MICAL3: variants seen among roughly 807,000 people sequenced by gnomAD.
The protein encoded by MICAL3 is microtubule associated monooxygenase, calponin and LIM domain containing 3, also known as [F-actin]-monooxygenase MICAL3.
MICAL3 carries 62 observed loss-of-function variants against 207.4 expected under a neutral mutation model. The ratio of observed to expected loss-of-function variants is 0.30; its 90% CI spans 0.24 to 0.37. The LOEUF (loss-of-function observed/expected upper bound fraction) is 0.37. MICAL3 is among the 10% of genes least tolerant of loss of function. The pLI is 1.00. For missense variants in MICAL3, 2,368 were observed against 2,635.6 expected (o/e 0.90, Z 2.22); for synonymous variants, 1,077 against 1,069.3 (o/e 1.01, Z -0.14).
chr22:17,840,064 CTTTAT>C (rs1923854623), intron 20 of MICAL3: 1 of 150,890 alleles, frequency 6.6e-6, no homozygotes, highest in Admixed American at 6.6e-5. Flanking sequence ...CGTGCCTGGC[CTTTAT>C]TTTATTTTTT....
intron 1 of MICAL3, among the ~76,000 whole-genome samples, chr22:17,969,576 TGG>T (rs1935309995): frequency 1.3e-5 from 2 of 152,216 alleles, no homozygotes; most frequent in Admixed American, 6.5e-5. Context: ...ATTCCTTTTT[TGG>T]TTTATCTTAG....
rs551263618 is a variant in MICAL3, at chr22:17,985,458, C to T, written c.-75+38823G>A. Among the ~76,000 whole-genome samples, 182 of 152,136 alleles carry T rather than the reference C, an allele frequency of 1.2e-3. 2 individuals carry two copies. The South Asian group carries it at 0.037, about 31-fold the overall frequency. ...TTGCCTTGCAGATTCCACAAAACTACAAGGTCCGGGAGGATGAGCAGGTCC... is the reference window on the plus strand; with the variant it reads ...TTGCCTTGCAGATTCCACAAAACTATAAGGTCCGGGAGGATGAGCAGGTCC... On this transcript the variant is annotated intron_variant, in intron 1 of 31. Coordinates refer to ENST00000441493, the MANE Select transcript of MICAL3 (RefSeq NM_015241.3).
At position 17,822,229 on chromosome 22, in the gene MICAL3, C is replaced by T. The variant is rs575176872; in HGVS notation, c.3308-59G>A. 6 of 1,562,674 alleles carry T rather than the reference C, an allele frequency of 3.8e-6. No individual in the cohort carries two copies. The South Asian group carries it at 5.9e-5, about 15-fold the overall frequency. On this transcript the variant is annotated intron_variant, in intron 23 of 31. Coordinates refer to ENST00000441493, the MANE Select transcript of MICAL3 (RefSeq NM_015241.3). ...CCCTAAGTGAGGCCAACTCCTTTTCCACCTGAGAGCAGCCGCGCCACTTGC... is the reference window on the plus strand; with the variant it reads ...CCCTAAGTGAGGCCAACTCCTTTTCTACCTGAGAGCAGCCGCGCCACTTGC...
chr22:17,897,052 C>T, intron 7 of MICAL3, 71 bp from the exon 8 acceptor site: 5 of 1,485,876 alleles, frequency 3.4e-6, no homozygotes, highest in Non-Finnish European at 4.5e-6. Context: ...GTTACACAAC[C>T]CAGGGCCACA....
At position 17,819,048 on chromosome 22, in the gene MICAL3, T is replaced by C. The variant is rs774427865; in HGVS notation, c.3613A>G (p.Lys1205Glu). The C allele has an allele frequency of 6.3e-7, 1 of 1,587,142 alleles. No individual in the cohort carries two copies. Among genetic ancestry groups the C allele is most frequent in the Admixed American group, 1.8e-5 (1 of 56,290 alleles). The change falls in exon 26 of 32, where the codon AAA (lysine) becomes GAA (glutamate). Residue 1205 changes from lysine to glutamate, a missense_variant. Physicochemically the swap from Lys to Glu is moderately conservative, Grantham distance 56. Coordinates refer to ENST00000441493, the MANE Select transcript of MICAL3 (RefSeq NM_015241.3). ...GGGGCATCAGCTTTGGGCTTCTCTT[T>C]GGGGAGCAAAGGCTCAGGGAAAAGG... Reference protein sequence around the residue: ...ERLFPEPLLPKEKPKADAPSD... With the variant: ...ERLFPEPLLPEEKPKADAPSD...
chr22:17,967,029 C>A (rs1278916842), intron 1 of MICAL3, among the ~76,000 whole-genome samples: 2 of 152,208 alleles, frequency 1.3e-5, no homozygotes, highest in Non-Finnish European at 2.9e-5. Context: ...CATGTGTGCA[C>A]ACACTCCATG....
At chr22:17,843,674 T>C (rs969191680) in intron 19 of MICAL3, among the ~76,000 whole-genome samples, 1 of 152,166 alleles carries the variant, frequency 6.6e-6, no homozygotes, top group Non-Finnish European at 1.5e-5. Context: ...GCCTGCCACC[T>C]GGGGAGTGCC....
chr22:17,834,245 G>A, intron 20 of MICAL3: 1 of 1,088,632 alleles, frequency 9.2e-7, no homozygotes, highest in Non-Finnish European at 1.1e-6. Flanking sequence ...CATTCACTCG[G>A]TGAACATTTC....
At position 17,994,980 on chromosome 22, in the gene MICAL3, A is replaced by G. The variant is rs141134628; in HGVS notation, c.-75+29301T>C. Among the ~76,000 whole-genome samples the G allele has an allele frequency of 7.8e-3, 1,183 of 152,150 alleles. 16 individuals are homozygous for G. Among genetic ancestry groups the G allele is most frequent in the African/African-American group, 0.027 (1,121 of 41,500 alleles). On this transcript the variant is annotated intron_variant, in intron 1 of 31. Coordinates refer to ENST00000441493, the MANE Select transcript of MICAL3 (RefSeq NM_015241.3). ...CTAATGCAGGAAGACTCCTCACTAG[A>G]TTCCCTCACACATAACACACATGCA...
rs962022989 is a variant in MICAL3 at position 17,871,813 on chromosome 22, G to A, written c.2428+24C>T. 11 of 1,577,412 alleles carry A rather than the reference G, an allele frequency of 7.0e-6. No homozygotes were observed. The African/African-American group carries it at 9.4e-5, about 14-fold the overall frequency. On this transcript the variant is annotated intron_variant, in intron 17 of 31. Transcript: ENST00000441493. ...CTGTCCAAGCACAGTTTCTCAGTGG[G>A]GCCGGAGGCGCAGGGTGTCTCACCA...
chr22:17,953,800 G>A (rs894365188), intron 1 of MICAL3, among the ~76,000 whole-genome samples: 4 of 151,610 alleles, frequency 2.6e-5, no homozygotes, highest in Non-Finnish European at 4.4e-5. Context: ...ACGCAGTGGT[G>A]CGTACCTGTA....
At chr22:17,943,726 T>G (rs2146342230) in intron 1 of MICAL3, among the ~76,000 whole-genome samples, 1 of 152,364 alleles carries the variant, frequency 6.6e-6, no homozygotes, top group East Asian at 1.9e-4. Context: ...TCTGCTGTTT[T>G]GGGACCTGTC....
chr22:17,968,083 A>G (rs1224751353), intron 1 of MICAL3, among the ~76,000 whole-genome samples: 1 of 152,042 alleles, frequency 6.6e-6, no homozygotes, highest in African/African-American at 2.4e-5. Context: ...AATAAAAATA[A>G]TTATTAAATG....
Position 17,790,749 on chromosome 22 carries a change from T to A in MICAL3, c.5992A>T (p.Ser1998Cys). ...LEAAMLSKGF[S>C]LNWS is the part of the protein sequence containing the mutation. The stretch of plus-strand genomic sequence containing the variant: ...GTGGGAGCTCAGGACCAGTTAAGGC[T>A]GAAGCCCTTGGACAGCATGGCAGCC... Residue 1998 changes from serine to cysteine, a missense_variant, in exon 32 of 32, where the codon AGC becomes TGC. By Grantham distance (112) the Ser-to-Cys change is moderately radical. This residue lies in a region of MICAL3 where 1,770 missense variants were observed against 1,863.2 expected (regional missense o/e 0.95). Transcript: ENST00000441493. 2 of 1,605,220 alleles carry A rather than the reference T, an allele frequency of 1.2e-6. No individual in the cohort carries two copies. The highest frequency in any genetic ancestry group is 1.7e-6 in the Non-Finnish European group (2 of 1,175,760).
At chr22:17,855,931 G>T (rs1925836162) in intron 19 of MICAL3, among the ~76,000 whole-genome samples, 1 of 152,212 alleles carries the variant, frequency 6.6e-6, no homozygotes, top group South Asian at 2.1e-4. Context: ...TGTGTCCTCT[G>T]CACAGCCTCT....
chr22:17,844,733 T>G (rs73384570), intron 19 of MICAL3, among the ~76,000 whole-genome samples: 1 of 152,184 alleles, frequency 6.6e-6, no homozygotes, highest in Non-Finnish European at 1.5e-5. Flanking sequence ...TTAAACATCA[T>G]GCTCCATTCT....
At chr22:17,959,542 T>C (rs1934799474) in intron 1 of MICAL3, among the ~76,000 whole-genome samples, 1 of 151,792 alleles carries the variant, frequency 6.6e-6, no homozygotes, top group South Asian at 2.1e-4. Context: ...CTCAAACTCC[T>C]GACCTCAGGT....
At chr22:17,908,483 A>G (rs560279571) in intron 1 of MICAL3, among the ~76,000 whole-genome samples, 37 of 151,978 alleles carry the variant, frequency 2.4e-4, no homozygotes, top group African/African-American at 8.9e-4. Flanking sequence ...AATTTTTTGT[A>G]TTTTTAGTAG....
chr22:17,895,164 G>T, intron 10 of MICAL3, 120 bp downstream of exon 10: 1 of 1,009,236 alleles, frequency 9.9e-7, no homozygotes, highest in Non-Finnish European at 1.5e-6. Context: ...CATCTACCTG[G>T]ATGACTAAAA....
Sources: gnomAD v4.1 joint callset for allele counts (sites outside exome capture counted in the v4.1 genomes callset) on GRCh38, gnomAD v4.1.1 for gene constraint, gnomAD v4.1.1 regional missense constraint, MANE v1.5 for transcripts, NCBI Gene and HGNC (gene_info 2026-07-23, HGNC 2026-07-21) for gene names.